The following GALNT15 variants were observed in gnomAD, a reference collection of about 807,000 sequenced individuals.
GALNT15 encodes the protein polypeptide N-acetylgalactosaminyltransferase 15.
Under a neutral mutation model 66.8 loss-of-function variants are expected in GALNT15, and 67 were observed. That is an observed-to-expected ratio of 1.00 (90% CI 0.82 to 1.23). GALNT15 has a LOEUF of 1.23. Among genes scored for constraint, GALNT15 ranks in the 50% most tolerant of loss-of-function variants. GALNT15 has a pLI of 0.00. For missense variants in GALNT15, 827 were observed against 804.3 expected, an observed-to-expected ratio of 1.03 and a Z score of -0.34; for synonymous variants, 313 against 311.5, an observed-to-expected ratio of 1.00 and a Z score of -0.05.
chr3:16,220,944 G>A (rs1019691185), intron 8 of GALNT15, among the ~76,000 whole-genome samples: 2 of 152,188 alleles, frequency 1.3e-5, no homozygotes, highest in African/African-American at 4.8e-5. Context: ...CATACTGATA[G>A]GCATTCACAC....
At position 16,176,955 on chromosome 3, in the gene GALNT15, A is replaced by C. The variant is rs17041952; in HGVS notation, c.539+1265A>C. On this transcript the variant is annotated intron_variant, in intron 1 of 9. Coordinates refer to ENST00000339732, the MANE Select transcript of GALNT15 (RefSeq NM_054110.5). The surrounding 1 kb of genome is among the most constrained non-coding windows in gnomAD (Gnocchi z 5.6). ...TCACCGCACCCTACTTCCATTTCAA[A>C]CCCGCTACACTGTTTTCAAGCCTTA... is the stretch of plus-strand genomic sequence containing the variant. 0.033 allele frequency among the ~76,000 whole-genome samples: 4,980 copies of C among 151,964 alleles called. 285 individuals carry two copies. Among genetic ancestry groups the C allele is most frequent in the African/African-American group, 0.11 (4,708 of 41,394 alleles).
chr3:16,192,312 C>T lies in GALNT15; in HGVS notation c.540-3448C>T, dbSNP rs554813520. On this transcript the variant is annotated intron_variant, in intron 1 of 9. Coordinates refer to ENST00000339732, the MANE Select transcript of GALNT15 (RefSeq NM_054110.5). ...GCCAGGCATGGCTGGCAGGCATAGC[C>T]GTGCTCTCTTCTTGGAGCAGACAGG... 5.3e-5 allele frequency among the ~76,000 whole-genome samples: 8 copies of T among 152,304 alleles called. No homozygotes were observed. The South Asian group carries it at 1.5e-3, about 28-fold the overall frequency.
chr3:16,223,157 A>G (rs2063965959), intron 9 of GALNT15, among the ~76,000 whole-genome samples: 1 of 152,204 alleles, frequency 6.6e-6, no homozygotes, highest in East Asian at 1.9e-4. Context: ...TTAGATACAG[A>G]TGTAGATGTA....
chr3:16,178,560 T>C (rs2063436612), intron 1 of GALNT15, among the ~76,000 whole-genome samples: 1 of 152,156 alleles, frequency 6.6e-6, no homozygotes, highest in South Asian at 2.1e-4. Flanking sequence ...AGCCCAGGCC[T>C]TGGCTGCAGA....
intron 6 of GALNT15, among the ~76,000 whole-genome samples, chr3:16,215,445 A>G (rs1270206784): frequency 6.6e-6 from 1 of 152,232 alleles, no homozygotes; most frequent in Non-Finnish European, 1.5e-5. Flanking sequence ...CAGAAGTAGA[A>G]CTAGAACTAG....
intron 3 of GALNT15, among the ~76,000 whole-genome samples, chr3:16,206,071 C>T (rs541606183): frequency 5.9e-5 from 9 of 152,248 alleles, no homozygotes; most frequent in African/African-American, 2.2e-4. Context: ...CAACGTACTC[C>T]TTTGTTAAGA....
Position 16,229,798 on chromosome 3 carries a change from A to T in GALNT15, c.*2298A>T, listed in dbSNP as rs2064064843. On this transcript the variant is annotated 3_prime_UTR_variant, in exon 10 of 10. Coordinates refer to ENST00000339732, the MANE Select transcript of GALNT15 (RefSeq NM_054110.5). ...AAAGGACCCAGATGGCTTATTGCCTAATTGGGTGAACAAAGCAAGAATATG... is the reference window on the plus strand; with the variant it reads ...AAAGGACCCAGATGGCTTATTGCCTTATTGGGTGAACAAAGCAAGAATATG... 1 of 940,446 alleles carries T rather than the reference A, an allele frequency of 1.1e-6. No homozygotes were observed. Among genetic ancestry groups the T allele is most frequent in the East Asian group, 1.2e-4 (1 of 8,620 alleles). The allele number at this position is 940,446 out of a possible 1,614,324, so 58.3% of individuals were successfully genotyped here. A position where few individuals can be genotyped will look rare whatever the true frequency, so the allele number is the denominator to read the frequency against.
Position 16,225,375 on chromosome 3 carries a change from G to A in GALNT15, c.1774-1979G>A, listed in dbSNP as rs1228677664. ...CTTAAAAATGCCTAAGATTGTAAAA[G>A]TTTTGCTATGTGTTTTTATCACAAT... On this transcript the variant is annotated intron_variant, in intron 9 of 9. Coordinates refer to ENST00000339732, the MANE Select transcript of GALNT15 (RefSeq NM_054110.5). The surrounding 1 kb of genome is among the most constrained non-coding windows in gnomAD (Gnocchi z 4.4). 6.6e-6 allele frequency among the ~76,000 whole-genome samples: 1 copy of A among 152,172 alleles called. No individual in the cohort carries two copies. Among genetic ancestry groups the A allele is most frequent in the Non-Finnish European group, 1.5e-5 (1 of 68,040 alleles).
rs1410569971 is a variant in GALNT15, at chr3:16,211,137, C to A, written c.1093C>A (p.Pro365Thr). 11 of 1,612,588 alleles carry A rather than the reference C, an allele frequency of 6.8e-6. No individual in the cohort carries two copies. The highest frequency in any genetic ancestry group is 9.3e-6 in the Non-Finnish European group (11 of 1,178,830). The change falls in exon 5 of 10, where the codon CCC becomes ACC. Residue 365 changes from proline to threonine, a missense_variant. Coordinates refer to ENST00000339732, the MANE Select transcript of GALNT15 (RefSeq NM_054110.5). This position sits in a 1 kb window ranked among gnomAD's most constrained non-coding sequence, Gnocchi z 4.3. ...TTCTGTGTCCAGGAGCCCTGTGGTG[C>A]CCGGAGAGGTGGTGGCCATGGACAG... ...PISPIRSPVV[P>T]GEVVAMDRHY...
chr3:16,205,202 T>C (rs867364613), intron 3 of GALNT15, among the ~76,000 whole-genome samples: 5 of 152,342 alleles, frequency 3.3e-5, no homozygotes, highest in African/African-American at 9.6e-5. Context: ...CTGCTTCTAG[T>C]ATAAGAGACT....
Position 16,180,872 on chromosome 3 carries a change from T to C in GALNT15, c.539+5182T>C, listed in dbSNP as rs887817527. On this transcript the variant is annotated intron_variant, in intron 1 of 9. Transcript: ENST00000339732. This position sits in a 1 kb window ranked among gnomAD's most constrained non-coding sequence, Gnocchi z 5.0. ...TGTACCCATAGCTGTGATTAAACAGTTGTGGACCTGTGGTTGAATCCTGGT... is the reference window on the plus strand; with the variant it reads ...TGTACCCATAGCTGTGATTAAACAGCTGTGGACCTGTGGTTGAATCCTGGT... Among the ~76,000 whole-genome samples, 2 of 152,248 alleles carry C rather than the reference T, an allele frequency of 1.3e-5. No homozygotes were observed. The highest frequency in any genetic ancestry group is 2.9e-5 in the Non-Finnish European group (2 of 68,040).
In GALNT15 at chr3:16,203,588, CAG is replaced by C. The variant is rs61348571; in HGVS notation, c.911+2766_911+2767del. On this transcript the variant is annotated intron_variant, in intron 3 of 9. Transcript: ENST00000339732. The surrounding 1 kb of genome is among the most constrained non-coding windows in gnomAD (Gnocchi z 6.2). ...ACACACACACACACACACACACACACAGTGGGCCTCTGATCCTGGTGTGTTAC... is the reference window on the plus strand; with the variant it reads ...ACACACACACACACACACACACACACTGGGCCTCTGATCCTGGTGTGTTAC... Among the ~76,000 whole-genome samples, 5,879 of 58,302 alleles carry C rather than the reference CAG, an allele frequency of 0.1. 207 individuals carry two copies. The highest frequency in any genetic ancestry group is 0.15 in the Admixed American group (834 of 5,490). 38.2% of individuals were successfully genotyped at this position (58,302 alleles called of 152,430 possible). A position where few individuals can be genotyped will look rare whatever the true frequency, so the allele number is the denominator to read the frequency against.
At chr3:16,233,238 G>T (rs540305113), downstream of GALNT15, among the ~76,000 whole-genome samples, 37 of 151,724 alleles carry the variant, frequency 2.4e-4, no homozygotes, top group Non-Finnish European at 4.6e-4. Flanking sequence ...GGGATCACAG[G>T]CGTGCATCAC....
In GALNT15 at chr3:16,200,761, T is replaced by A; in HGVS notation, c.849T>A (p.Asp283Glu). The A allele has an allele frequency of 6.2e-7, 1 of 1,612,770 alleles. No homozygotes were observed. Among genetic ancestry groups the A allele is most frequent in the South Asian group, 1.1e-5 (1 of 90,768 alleles). Residue 283 changes from aspartate to glutamate, a missense_variant, in exon 3 of 10, where the codon GAT becomes GAA. Asp to Glu is a conservative substitution (Grantham distance 45). Transcript: ENST00000339732. The surrounding 1 kb of genome is among the most constrained non-coding windows in gnomAD (Gnocchi z 4.4). ...RATGDVLVFM[D>E]AHCECHPGWL... Reference sequence around the variant, plus strand: ...CCGGGGATGTGCTCGTCTTCATGGATGCCCACTGCGAGTGCCACCCAGGCT... The same window carrying A: ...CCGGGGATGTGCTCGTCTTCATGGAAGCCCACTGCGAGTGCCACCCAGGCT...
chr3:16,220,447 T>C (rs1236402926), intron 8 of GALNT15, among the ~76,000 whole-genome samples: 1 of 152,178 alleles, frequency 6.6e-6, no homozygotes, highest in East Asian at 1.9e-4. Context: ...TCCAGCACCA[T>C]TTGGTCATTA....
chr3:16,177,170 A>G (rs567262028), intron 1 of GALNT15, among the ~76,000 whole-genome samples: 110 of 152,330 alleles, frequency 7.2e-4, no homozygotes, highest in African/African-American at 2.6e-3. Context: ...TTTGTATTGT[A>G]CATCCCAAAG....
intron 9 of GALNT15, among the ~76,000 whole-genome samples, chr3:16,223,005 C>CAG (rs927181632): frequency 3.9e-5 from 6 of 152,098 alleles, no homozygotes; most frequent in African/African-American, 1.4e-4. Context: ...CTTGTCATTG[C>CAG]AGAGAGAGGG....
At position 16,175,072 on chromosome 3, in the gene GALNT15, C is replaced by A; in HGVS notation, c.-80C>A. 1.4e-6 allele frequency: 2 copies of A among 1,405,636 alleles called. No individual in the cohort carries two copies. Among genetic ancestry groups the A allele is most frequent in the Non-Finnish European group, 2.0e-6 (2 of 1,023,990 alleles). The allele number at this position is 1,405,636 out of a possible 1,614,324, so 87.1% of individuals were successfully genotyped here. A position where few individuals can be genotyped will look rare whatever the true frequency, so the allele number is the denominator to read the frequency against. ...CCAGGTGGAACAAGCAACCCAGGTT[C>A]TGCTGCAAGCTTGAAGGAGCCTGGA... On this transcript the variant is annotated 5_prime_UTR_variant, in exon 1 of 10. In the 5' UTR this introduces an upstream ATG that the reference lacks. Coordinates refer to ENST00000339732, the MANE Select transcript of GALNT15 (RefSeq NM_054110.5). This position sits in a 1 kb window ranked among gnomAD's most constrained non-coding sequence, Gnocchi z 5.6.
rs140575670 is a variant in GALNT15 at position 16,206,948 on chromosome 3, C to T, written c.912-1555C>T. On this transcript the variant is annotated intron_variant, in intron 3 of 9. Coordinates refer to ENST00000339732, the MANE Select transcript of GALNT15 (RefSeq NM_054110.5). ...AGGCTCTGGAAGGGGCTCTGGGTGC[C>T]CTCATTTCCTCCCTGGTCTAGGTTC... 2.1e-3 allele frequency among the ~76,000 whole-genome samples: 320 copies of T among 152,230 alleles called. 1 individual carries two copies. Among genetic ancestry groups the T allele is most frequent in the African/African-American group, 7.1e-3 (295 of 41,528 alleles).
Sources: allele counts gnomAD v4.1 joint callset (sites outside exome capture counted in the v4.1 genomes callset), GRCh38; gene constraint gnomAD v4.1.1; non-coding constraint Gnocchi (gnomAD v3.1); transcripts MANE v1.5; gene names NCBI Gene and HGNC (gene_info 2026-07-23, HGNC 2026-07-21).